The following KLF15 variants were observed in gnomAD, a reference collection of about 807,000 sequenced individuals.
KLF15 encodes the protein KLF transcription factor 15.
KLF15 carries 4 observed loss-of-function variants against 24.6 expected under a neutral mutation model. The observed-to-expected ratio is 0.16, with a 90% CI of 0.08 to 0.37. The LOEUF is 0.37. KLF15 is among the 10% of genes least tolerant of loss of function. The pLI, the probability that KLF15 is intolerant of heterozygous loss-of-function variation, is 1.00. For synonymous variants in KLF15, 246 were observed against 236.3 expected, an observed-to-expected ratio of 1.04 and a Z score of -0.37; for missense variants, 496 against 560.6, an observed-to-expected ratio of 0.88 and a Z score of 1.16.
intron 2 of KLF15, among the ~76,000 whole-genome samples, chr3:126,350,485 T>A (rs915222749): frequency 6.6e-6 from 1 of 152,168 alleles, no homozygotes; most frequent in Non-Finnish European, 1.5e-5. Flanking sequence ...TGGCACTCAA[T>A]GGAAAGGTGG....
At chr3:126,289,786 T>C in the KLF15 span, among the ~76,000 whole-genome samples, 1 of 152,244 alleles carries the variant, frequency 6.6e-6, no homozygotes, top group Non-Finnish European at 1.5e-5. Flanking sequence ...CCTGAAAATA[T>C]CTGAGACAAG....
At chr3:126,296,131 G>A in the KLF15 span, among the ~76,000 whole-genome samples, 2 of 152,166 alleles carry the variant, frequency 1.3e-5, no homozygotes, top group Non-Finnish European at 2.9e-5. Context: ...ACATCCCACA[G>A]TGTCACTAAT....
the KLF15 span, among the ~76,000 whole-genome samples, chr3:126,320,663 G>T: frequency 2.0e-5 from 3 of 152,174 alleles, no homozygotes; most frequent in East Asian, 5.8e-4. Flanking sequence ...AGCCTAAGAA[G>T]ATGTCCCCTG....
the KLF15 span, among the ~76,000 whole-genome samples, chr3:126,297,196 A>G: frequency 6.6e-6 from 1 of 152,014 alleles, no homozygotes; most frequent in Admixed American, 6.5e-5. Flanking sequence ...ATATTTGCTT[A>G]AAGAGTCACC....
chr3:126,306,468 C>T, the KLF15 span, among the ~76,000 whole-genome samples: 1 of 152,202 alleles, frequency 6.6e-6, no homozygotes, highest in African/African-American at 2.4e-5. Context: ...TCACTCCATG[C>T]CTTGAAGAAG....
At chr3:126,320,748 G>A in the KLF15 span, among the ~76,000 whole-genome samples, 6 of 152,096 alleles carry the variant, frequency 3.9e-5, no homozygotes, top group African/African-American at 1.4e-4. Flanking sequence ...GCTGCCCTCT[G>A]GGGCCACTTC....
chr3:126,323,433 A>ATGT, the KLF15 span, among the ~76,000 whole-genome samples: 7 of 51,724 alleles, frequency 1.4e-4, no homozygotes, highest in African/African-American at 4.3e-4. Context: ...ATATATATAT[A>ATGT]TAACATATAT....
chr3:126,299,226 G>A, the KLF15 span, among the ~76,000 whole-genome samples: 28 of 151,964 alleles, frequency 1.8e-4, no homozygotes, highest in Non-Finnish European at 3.2e-4. Flanking sequence ...ATGTATGTAT[G>A]TATGTATGTA....
chr3:126,338,642 G>A (rs942825083), downstream of KLF15, among the ~76,000 whole-genome samples: 3 of 152,138 alleles, frequency 2.0e-5, no homozygotes, highest in Admixed American at 6.5e-5. Context: ...CTTTCACATC[G>A]CAAATTTCTT....
the KLF15 span, among the ~76,000 whole-genome samples, chr3:126,314,179 G>T: frequency 1.4e-3 from 209 of 152,154 alleles, 1 homozygote; most frequent in African/African-American, 4.7e-3. Flanking sequence ...GGCCTGCCCA[G>T]GATTCCTCAT....
chr3:126,306,838 G>A, the KLF15 span, among the ~76,000 whole-genome samples: 3 of 152,182 alleles, frequency 2.0e-5, no homozygotes, highest in Admixed American at 6.5e-5. Flanking sequence ...CTTCTTGCTA[G>A]GCCTTGGGCC....
chr3:126,304,973 C>T, the KLF15 span, among the ~76,000 whole-genome samples: 10 of 152,284 alleles, frequency 6.6e-5, no homozygotes, highest in Admixed American at 4.6e-4. Context: ...TTCTCAGTCC[C>T]GCAAGTAGTA....
the KLF15 span, among the ~76,000 whole-genome samples, chr3:126,302,539 C>T: frequency 6.6e-6 from 1 of 152,136 alleles, no homozygotes; most frequent in African/African-American, 2.4e-5. Flanking sequence ...AGTTCTATCA[C>T]TTACTGGCTA....
chr3:126,301,676 G>T, the KLF15 span, among the ~76,000 whole-genome samples: 2 of 144,056 alleles, frequency 1.4e-5, no homozygotes, highest in South Asian at 4.4e-4. Flanking sequence ...GTGCAATGGC[G>T]CCTTCTCAGT....
the KLF15 span, among the ~76,000 whole-genome samples, chr3:126,328,434 T>C: frequency 3.0e-4 from 45 of 152,310 alleles, 1 homozygote; most frequent in South Asian, 9.1e-3. Context: ...TCTTTTCCTC[T>C]GGGTAGATAC....
At chr3:126,340,026 G>A (rs1266304814), downstream of KLF15, among the ~76,000 whole-genome samples, 1 of 152,214 alleles carries the variant, frequency 6.6e-6, no homozygotes, top group Non-Finnish European at 1.5e-5. Context: ...CCCTTTCTGA[G>A]AATGTGGACG....
chr3:126,314,706 C>G, the KLF15 span, among the ~76,000 whole-genome samples: 14 of 152,240 alleles, frequency 9.2e-5, no homozygotes, highest in Non-Finnish European at 1.9e-4. Flanking sequence ...TGGGGCAGAA[C>G]AGAGGCGAAG....
At chr3:126,349,044 A>C (rs1033340878) in intron 2 of KLF15, among the ~76,000 whole-genome samples, 3 of 152,066 alleles carry the variant, frequency 2.0e-5, no homozygotes, top group African/African-American at 7.2e-5. Context: ...GCTGCCCCAA[A>C]GCGGGGTCCA....
chr3:126,319,997 C>T, the KLF15 span, among the ~76,000 whole-genome samples: 72 of 152,144 alleles, frequency 4.7e-4, 1 homozygote, highest in South Asian at 1.7e-3. Context: ...GTGGAGGTGG[C>T]GGGTGGGGAA....
Sources: gnomAD v4.1 joint callset for allele counts (sites outside exome capture counted in the v4.1 genomes callset) on GRCh38, gnomAD v4.1.1 for gene constraint, MANE v1.5 for transcripts, NCBI Gene and HGNC (gene_info 2026-07-23, HGNC 2026-07-21) for gene names.